CLSTN2: variants seen among roughly 807,000 people sequenced by gnomAD.
CLSTN2 encodes the protein calsyntenin 2.
In CLSTN2, 48 loss-of-function variants were observed where a neutral mutation model predicts 101.2. The ratio of observed to expected loss-of-function variants is 0.47; its 90% CI spans 0.38 to 0.60. The LOEUF (loss-of-function observed/expected upper bound fraction) is 0.60. CLSTN2 is among the 20% of genes least tolerant of loss of function. CLSTN2 has a pLI of 0.00. For synonymous variants in CLSTN2, 481 were observed against 463.6 expected (o/e 1.04, Z -0.48); for missense variants, 1,160 against 1,238.2 (o/e 0.94, Z 0.95).
intron 1 of CLSTN2, among the ~76,000 whole-genome samples, chr3:140,010,094 A>G (rs921058947): frequency 2.6e-5 from 4 of 152,228 alleles, no homozygotes; most frequent in Middle Eastern, 3.2e-3. Flanking sequence ...GAACACAAGG[A>G]TCCTGTATCT....
chr3:139,953,266 C>T (rs1576374745), intron 1 of CLSTN2, among the ~76,000 whole-genome samples: 1 of 152,244 alleles, frequency 6.6e-6, no homozygotes, highest in South Asian at 2.1e-4. Flanking sequence ...CACACAGATC[C>T]TCTCCCCTAC....
At position 140,556,572 on chromosome 3, in the gene CLSTN2, T is replaced by C. The variant is rs1401209006; in HGVS notation, c.1734T>C (p.Ile578=). 1 of 1,613,850 alleles carries C rather than the reference T, an allele frequency of 6.2e-7. No homozygotes were observed. Among genetic ancestry groups the C allele is most frequent in the Non-Finnish European group, 8.5e-7 (1 of 1,179,988 alleles). The change falls in exon 11 of 17, where the codon ATT becomes ATC. Residue 578 remains isoleucine, a synonymous_variant. Transcript: ENST00000458420. ...TGGAAGGTGACGACATTGGGAACAT[T>C]AACCGTGCTCTCCAGAAAGTCTCCT... ...LVMEGDDIGN[I]NRALQKVSYI... is the part of the protein sequence containing the mutation.
At chr3:140,398,514 T>C (rs1056142830) in intron 2 of CLSTN2, among the ~76,000 whole-genome samples, 4 of 152,176 alleles carry the variant, frequency 2.6e-5, no homozygotes, top group Admixed American at 2.6e-4. Flanking sequence ...GATGATCACT[T>C]TGACTTTTTG....
At chr3:139,983,796 A>G (rs1935975489) in intron 1 of CLSTN2, among the ~76,000 whole-genome samples, 1 of 152,164 alleles carries the variant, frequency 6.6e-6, no homozygotes, top group South Asian at 2.1e-4. Context: ...TTTGTTTTGT[A>G]TAAAGTGCTA....
At chr3:140,448,263 G>A (rs1314978119) in intron 5 of CLSTN2, among the ~76,000 whole-genome samples, 1 of 151,774 alleles carries the variant, frequency 6.6e-6, no homozygotes, top group Non-Finnish European at 1.5e-5. Flanking sequence ...GTATGCACGT[G>A]CCTGCACATG....
At chr3:140,380,959 T>C (rs531054684) in intron 2 of CLSTN2, among the ~76,000 whole-genome samples, 1 of 152,318 alleles carries the variant, frequency 6.6e-6, no homozygotes, top group South Asian at 2.1e-4. Flanking sequence ...GTGTTCGTTT[T>C]CTATGCTGCC....
At chr3:140,141,583 A>C (rs80313518) in intron 1 of CLSTN2, among the ~76,000 whole-genome samples, 1 of 152,218 alleles carries the variant, frequency 6.6e-6, no homozygotes, top group Non-Finnish European at 1.5e-5. Flanking sequence ...TACAGGGAAC[A>C]GCTGCTAACA....
intron 2 of CLSTN2, among the ~76,000 whole-genome samples, chr3:140,326,462 T>C (rs556727813): frequency 2.6e-4 from 39 of 152,228 alleles, no homozygotes; most frequent in Non-Finnish European, 4.6e-4. Flanking sequence ...ACGTCTTTCA[T>C]AGAACCAAGG....
chr3:140,196,148 G>T (rs368740585), intron 2 of CLSTN2, among the ~76,000 whole-genome samples: 66 of 152,290 alleles, frequency 4.3e-4, no homozygotes, highest in African/African-American at 1.5e-3. Context: ...AGCCACACTA[G>T]CTCCAATAAC....
chr3:140,050,861 T>C (rs1326165095), intron 1 of CLSTN2, among the ~76,000 whole-genome samples: 1 of 152,202 alleles, frequency 6.6e-6, no homozygotes, highest in Non-Finnish European at 1.5e-5. Context: ...GGTGCAATGC[T>C]GGGTCTGGTG....
At chr3:140,383,496 A>C (rs1049126433) in intron 2 of CLSTN2, among the ~76,000 whole-genome samples, 1 of 152,236 alleles carries the variant, frequency 6.6e-6, no homozygotes, top group East Asian at 1.9e-4. Flanking sequence ...CATACCATGC[A>C]GACTCCCCAA....
Position 140,480,429 on chromosome 3 carries a change from A to T in CLSTN2, c.1344+13698A>T, listed in dbSNP as rs529696341. 6.4e-3 allele frequency among the ~76,000 whole-genome samples: 968 copies of T among 152,328 alleles called. 2 individuals carry two copies. Among genetic ancestry groups the T allele is most frequent in the Non-Finnish European group, 0.01 (696 of 68,026 alleles). On this transcript the variant is annotated intron_variant, in intron 8 of 16. Coordinates refer to ENST00000458420, the MANE Select transcript of CLSTN2 (RefSeq NM_022131.3). The stretch of plus-strand genomic sequence containing the variant: ...ATACATGTGCATGTGTCTTTATAGC[A>T]GCATGATTTATAATCCTTTGGGTAT...
At chr3:140,397,250 T>C (rs1404991209) in intron 2 of CLSTN2, among the ~76,000 whole-genome samples, 1 of 152,178 alleles carries the variant, frequency 6.6e-6, no homozygotes, top group Non-Finnish European at 1.5e-5. Flanking sequence ...TGTGATATGT[T>C]ATTTAGGTAG....
chr3:140,303,396 A>C (rs572401087), intron 2 of CLSTN2, among the ~76,000 whole-genome samples: 1 of 151,954 alleles, frequency 6.6e-6, no homozygotes, highest in East Asian at 1.9e-4. Flanking sequence ...GAAAGGTCAG[A>C]CTCTAGTCCC....
At chr3:140,233,925 T>C (rs1576477220) in intron 2 of CLSTN2, among the ~76,000 whole-genome samples, 3 of 152,338 alleles carry the variant, frequency 2.0e-5, no homozygotes, top group Admixed American at 2.0e-4. Context: ...ACCACACTCA[T>C]AGATTTATGT....
chr3:140,123,838 A>G (rs199645745), intron 1 of CLSTN2, among the ~76,000 whole-genome samples: 2 of 81,502 alleles, frequency 2.5e-5, no homozygotes, highest in African/African-American at 9.9e-5. Flanking sequence ...ATATGTATGT[A>G]TATGTGTGTG....
At chr3:140,215,240 T>C (rs967030814) in intron 2 of CLSTN2, among the ~76,000 whole-genome samples, 13 of 152,188 alleles carry the variant, frequency 8.5e-5, no homozygotes, top group African/African-American at 3.1e-4. Context: ...ACTTTCTCCC[T>C]CTCTTCCTCT....
chr3:140,121,970 C>T (rs888625834), intron 1 of CLSTN2, among the ~76,000 whole-genome samples: 2 of 152,166 alleles, frequency 1.3e-5, no homozygotes, highest in Non-Finnish European at 2.9e-5. Context: ...GAAAAAAACA[C>T]AACCCTGCTA....
chr3:140,047,602 T>C (rs1236008720), intron 1 of CLSTN2, among the ~76,000 whole-genome samples: 1 of 152,228 alleles, frequency 6.6e-6, no homozygotes, highest in Non-Finnish European at 1.5e-5. Context: ...CTTACAGTTA[T>C]AGAAGCTGAG....
Sources: gnomAD v4.1 joint callset for allele counts (sites outside exome capture counted in the v4.1 genomes callset) on GRCh38, gnomAD v4.1.1 for gene constraint, MANE v1.5 for transcripts, NCBI Gene and HGNC (gene_info 2026-07-23, HGNC 2026-07-21) for gene names.